GALNT13: variants seen among roughly 807,000 people sequenced by gnomAD.
GALNT13 encodes the protein UDP-GalNAc:polypeptide N-acetylgalactosaminyltransferase 13.
A neutral mutation model predicts 64.2 loss-of-function variants in GALNT13; 28 were observed. The observed-to-expected ratio is 0.44, with a 90% CI of 0.32 to 0.60. GALNT13 has a LOEUF of 0.60. Among genes scored for constraint, GALNT13 ranks in the 20% least tolerant of loss-of-function variants. GALNT13 has a pLI of 0.05. For missense variants in GALNT13, 577 were observed against 669.8 expected (o/e 0.86, Z 1.53); for synonymous variants, 214 against 224.6 (o/e 0.95, Z 0.42).
the GALNT13 span, among the ~76,000 whole-genome samples, chr2:153,158,084 C>T: frequency 3.3e-5 from 5 of 152,096 alleles, no homozygotes; most frequent in Non-Finnish European, 4.4e-5. Flanking sequence ...TATGAACAAG[C>T]CATAGGTCTT....
At chr2:153,420,829 C>A in the GALNT13 span, 1 of 239,448 alleles carries the variant, frequency 4.2e-6, no homozygotes, top group South Asian at 6.6e-5. Context: ...TAACTCAAGT[C>A]AGACTTGTGG....
the GALNT13 span, among the ~76,000 whole-genome samples, chr2:153,436,386 G>T: frequency 1.3e-4 from 20 of 152,066 alleles, no homozygotes; most frequent in Non-Finnish European, 2.1e-4. Flanking sequence ...TTGATTGGAA[G>T]AGTTTCAGGA....
the GALNT13 span, among the ~76,000 whole-genome samples, chr2:153,079,920 C>G: frequency 5.9e-5 from 9 of 152,188 alleles, no homozygotes; most frequent in African/African-American, 2.2e-4. Flanking sequence ...CCTCCAAGGT[C>G]AGCAAGTCCT....
chr2:153,165,081 CCTTTT>C, the GALNT13 span, among the ~76,000 whole-genome samples: 1 of 152,140 alleles, frequency 6.6e-6, no homozygotes, highest in Non-Finnish European at 1.5e-5. Flanking sequence ...TTTTGTAATT[CCTTTT>C]CTTAGGTTTC....
chr2:154,273,588 A>G (rs1009153174), intron 8 of GALNT13, among the ~76,000 whole-genome samples: 7 of 152,208 alleles, frequency 4.6e-5, no homozygotes, highest in African/African-American at 9.6e-5. Context: ...CCCATAGGAT[A>G]CTACTGTATT....
intron 9 of GALNT13, among the ~76,000 whole-genome samples, chr2:154,369,557 G>A (rs1697564133): frequency 1.3e-5 from 2 of 152,000 alleles, no homozygotes; most frequent in African/African-American, 2.4e-5. Context: ...GGGTTCTATG[G>A]TTTGAATATT....
At chr2:153,716,720 C>T in the GALNT13 span, among the ~76,000 whole-genome samples, 1 of 150,960 alleles carries the variant, frequency 6.6e-6, no homozygotes, top group Non-Finnish European at 1.5e-5. Context: ...GAATACTATC[C>T]CACTTAACAC....
At chr2:153,653,191 C>G in the GALNT13 span, among the ~76,000 whole-genome samples, 3 of 150,898 alleles carry the variant, frequency 2.0e-5, no homozygotes, top group Non-Finnish European at 4.4e-5. Flanking sequence ...GGATAAAATA[C>G]GTTTGTTAGG....
chr2:154,306,310 C>G (rs1429790086), intron 9 of GALNT13, among the ~76,000 whole-genome samples: 1 of 151,888 alleles, frequency 6.6e-6, no homozygotes, highest in African/African-American at 2.4e-5. Flanking sequence ...TAACCCCCAA[C>G]CCCCAACAGG....
At chr2:154,253,482 G>T (rs1166469243) in intron 7 of GALNT13, among the ~76,000 whole-genome samples, 1 of 152,090 alleles carries the variant, frequency 6.6e-6, no homozygotes, top group Non-Finnish European at 1.5e-5. Context: ...TAGTTACAAA[G>T]CTTCATATCT....
the GALNT13 span, among the ~76,000 whole-genome samples, chr2:153,102,765 G>A: frequency 2.3e-4 from 35 of 152,196 alleles, no homozygotes; most frequent in African/African-American, 8.2e-4. Flanking sequence ...ATCAGCTGGT[G>A]TGCCATGTCA....
intron 4 of GALNT13, among the ~76,000 whole-genome samples, chr2:154,208,912 T>A (rs1460350148): frequency 6.6e-6 from 1 of 152,142 alleles, no homozygotes; most frequent in Non-Finnish European, 1.5e-5. Context: ...TCAATTAATT[T>A]TGTCTCTGTC....
At chr2:153,391,082 C>A in the GALNT13 span, among the ~76,000 whole-genome samples, 1 of 151,938 alleles carries the variant, frequency 6.6e-6, no homozygotes, top group Admixed American at 6.6e-5. Flanking sequence ...GGGAAAAGCA[C>A]TCCAGGCAGA....
intron 4 of GALNT13, among the ~76,000 whole-genome samples, chr2:154,227,029 A>G (rs1397938223): frequency 1.3e-5 from 2 of 152,156 alleles, no homozygotes; most frequent in African/African-American, 2.4e-5. Context: ...AATTATCTGC[A>G]TGACTTTCTG....
chr2:153,811,818 T>C, the GALNT13 span, among the ~76,000 whole-genome samples: 2 of 152,222 alleles, frequency 1.3e-5, no homozygotes, highest in Non-Finnish European at 2.9e-5. Flanking sequence ...GCTCAGCTGC[T>C]CTGGGGAACA....
chr2:153,100,335 A>G, the GALNT13 span, among the ~76,000 whole-genome samples: 1 of 152,222 alleles, frequency 6.6e-6, no homozygotes, highest in Non-Finnish European at 1.5e-5. Flanking sequence ...GCTGCAGTGA[A>G]TGGTGAGGAA....
chr2:154,287,365 C>A lies in GALNT13; in HGVS notation c.976-14044C>A, dbSNP rs559071365. 5 of 542,550 alleles carry A rather than the reference C, an allele frequency of 9.2e-6. No individual in the cohort carries two copies. In the Admixed American group the frequency reaches 1.2e-4, roughly 13 times the overall value. The allele number at this position is 542,550 out of a possible 1,614,324, so 33.6% of individuals were successfully genotyped here. The stretch of plus-strand genomic sequence containing the variant: ...GAGACATTGCATTCCAGCTCTCATA[C>A]TCTGGGAACGTCACCTACCTGCCTG... On this transcript the variant is annotated intron_variant, in intron 8 of 12. Transcript: ENST00000392825.
chr2:154,108,691 T>G (rs1187119701), intron 3 of GALNT13, among the ~76,000 whole-genome samples: 1 of 151,984 alleles, frequency 6.6e-6, no homozygotes, highest in Non-Finnish European at 1.5e-5. Flanking sequence ...TCCGTGATTT[T>G]TTTTTCTTCT....
chr2:153,869,963 T>C (rs1042077356), upstream of GALNT13, among the ~76,000 whole-genome samples: 2 of 152,058 alleles, frequency 1.3e-5, no homozygotes, highest in African/African-American at 4.8e-5. Flanking sequence ...GCTAGCCTAT[T>C]GAAGGATGAT....
Sources: gnomAD v4.1 joint callset for allele counts (sites outside exome capture counted in the v4.1 genomes callset) on GRCh38, gnomAD v4.1.1 for gene constraint, MANE v1.5 for transcripts, NCBI Gene and HGNC (gene_info 2026-07-23, HGNC 2026-07-21) for gene names.